USP42: variants seen among roughly 807,000 people sequenced by gnomAD.
USP42 encodes ubiquitin specific peptidase 42, also known as ubiquitin carboxyl-terminal hydrolase 42.
In USP42, 23 loss-of-function variants were observed where a neutral mutation model predicts 113.0. The observed-to-expected ratio is 0.20, with a 90% CI of 0.15 to 0.29. The LOEUF is 0.29. USP42 is among the 10% of genes least tolerant of loss of function. USP42 has a pLI of 1.00. For synonymous variants in USP42, 933 were observed against 699.0 expected (o/e 1.33, Z -5.28); for missense variants, 2,174 against 1,779.8 (o/e 1.22, Z -3.99).
At chr7:6,102,831 A>T (rs1790168897), upstream of USP42, among the ~76,000 whole-genome samples, 1 of 151,082 alleles carries the variant, frequency 6.6e-6, no homozygotes, top group Admixed American at 6.6e-5. Flanking sequence ...GAATGCTCAG[A>T]GTGGGGGAGT....
chr7:6,123,435 G>A (rs559724358), intron 3 of USP42, among the ~76,000 whole-genome samples: 2 of 152,218 alleles, frequency 1.3e-5, no homozygotes, highest in South Asian at 2.1e-4. Context: ...AGGCCAAGGC[G>A]AGCAGATCAC....
At chr7:6,098,275 A>G in the USP42 span, among the ~76,000 whole-genome samples, 1 of 150,178 alleles carries the variant, frequency 6.7e-6, no homozygotes, top group African/African-American at 2.5e-5. Context: ...CATCCTTGAC[A>G]AAGTGTGAGA....
At chr7:6,113,037 G>A (rs560221285) in intron 2 of USP42, among the ~76,000 whole-genome samples, 1 of 151,458 alleles carries the variant, frequency 6.6e-6, no homozygotes, top group Admixed American at 6.6e-5. Flanking sequence ...CCGAGTAGCT[G>A]GGACTACAGG....
the USP42 span, chr7:6,084,551 C>T: frequency 6.6e-6 from 1 of 151,244 alleles, no homozygotes; most frequent in Admixed American, 6.6e-5. Context: ...CTGAGTTAGC[C>T]ACTAGGCACT....
At chr7:6,129,697 C>T (rs1780741129) in intron 3 of USP42, among the ~76,000 whole-genome samples, 1 of 151,756 alleles carries the variant, frequency 6.6e-6, no homozygotes, top group Non-Finnish European at 1.5e-5. Context: ...CCTGTCTCTA[C>T]TAAAAATACA....
At chr7:6,110,155 G>A (rs952424508) in intron 1 of USP42, among the ~76,000 whole-genome samples, 3 of 152,104 alleles carry the variant, frequency 2.0e-5, no homozygotes, top group African/African-American at 7.2e-5. Context: ...TTTCTACATA[G>A]GAGTGGCATG....
chr7:6,117,217 C>A (rs1779959996), intron 3 of USP42, among the ~76,000 whole-genome samples: 1 of 152,100 alleles, frequency 6.6e-6, no homozygotes, highest in South Asian at 2.1e-4. Context: ...ACCCTCCTGC[C>A]CGGCAACCAC....
At chr7:6,084,218 G>C in the USP42 span, among the ~76,000 whole-genome samples, 441 of 151,068 alleles carry the variant, frequency 2.9e-3, 29 homozygotes, top group African/African-American at 0.011. Flanking sequence ...GTAGAGACAG[G>C]GTTTCACCAT....
At chr7:6,121,356 A>T (rs1304517935) in intron 3 of USP42, among the ~76,000 whole-genome samples, 1 of 152,180 alleles carries the variant, frequency 6.6e-6, no homozygotes, top group Non-Finnish European at 1.5e-5. Context: ...GAGATGACTC[A>T]CACTTGGTCA....
chr7:6,097,911 T>C, the USP42 span, among the ~76,000 whole-genome samples: 1 of 125,542 alleles, frequency 8.0e-6, no homozygotes, highest in African/African-American at 3.0e-5. Flanking sequence ...TCTTTTCTTT[T>C]TTTTTTTTTT....
chr7:6,111,665 C>T (rs1441138718), intron 2 of USP42: 18 of 212,234 alleles, frequency 8.5e-5, no homozygotes, highest in East Asian at 2.3e-4. Context: ...TGCAGTGGCG[C>T]GATCTTGACT....
upstream of USP42, among the ~76,000 whole-genome samples, chr7:6,100,111 C>T (rs556273846): frequency 7.4e-5 from 11 of 149,386 alleles, no homozygotes; most frequent in South Asian, 2.1e-3. Flanking sequence ...CCTCAGCCTC[C>T]TAAAGTGCTG....
At position 6,154,264 on chromosome 7, in the gene USP42, C is replaced by G. The variant is rs1440647937; in HGVS notation, c.2710C>G (p.Leu904Val). ...CGCAGAGCGGCCGCCAGCTCCTGTG[C>G]TGGACATGGCCCCGGCCGGTCACCC... ...EAAERPPAPV[L>V]DMAPAGHPEG... Residue 904 changes from leucine (L) to valine (V), a missense_variant, in exon 15 of 18, where the codon CTG (leucine) becomes GTG (valine). Transcript: ENST00000306177. 2 of 1,602,938 alleles carry G rather than the reference C, an allele frequency of 1.2e-6. No individual in the cohort carries two copies. Among genetic ancestry groups the G allele is most frequent in the East Asian group, 2.3e-5 (1 of 44,422 alleles).
At chr7:6,138,123 G>A (rs966371106) in intron 4 of USP42, among the ~76,000 whole-genome samples, 3 of 152,184 alleles carry the variant, frequency 2.0e-5, no homozygotes, top group Non-Finnish European at 1.5e-5. Flanking sequence ...CACGTTTGTA[G>A]GTCTAAACTG....
chr7:6,159,311 CCTCACTGGGGAGTGGCCTCAGGCG>C lies in USP42; in HGVS notation c.3944-133_3944-110del, dbSNP rs2128529280. ...CTGAGCGCTGGGACATCCCTGCTCACCTCACTGGGGAGTGGCCTCAGGCGCTCACAGGGAACCGCAGTGACTCTG... is the reference window on the plus strand; with the variant it reads ...CTGAGCGCTGGGACATCCCTGCTCACCTCACAGGGAACCGCAGTGACTCTG... On this transcript the variant is annotated intron_variant, in intron 16 of 17. Transcript: ENST00000306177. This position sits in a 1 kb window ranked among gnomAD's most constrained non-coding sequence, Gnocchi z 4.1. 2 of 1,079,330 alleles carry C rather than the reference CCTCACTGGGGAGTGGCCTCAGGCG, an allele frequency of 1.9e-6. No homozygotes were observed. The highest frequency in any genetic ancestry group is 3.2e-5 in the African/African-American group (2 of 63,480). The allele number at this position is 1,079,330 out of a possible 1,614,324, so 66.9% of individuals were successfully genotyped here. A position where few individuals can be genotyped will look rare whatever the true frequency, so the allele number is the denominator to read the frequency against.
chr7:6,097,375 C>T, the USP42 span, among the ~76,000 whole-genome samples: 1 of 147,046 alleles, frequency 6.8e-6, no homozygotes. Context: ...AAAATTAGGT[C>T]CCTGTGGGTC....
intron 3 of USP42, among the ~76,000 whole-genome samples, chr7:6,118,742 C>G (rs1042046535): frequency 2.6e-5 from 4 of 152,040 alleles, no homozygotes; most frequent in Non-Finnish European, 4.4e-5. Flanking sequence ...GAAACATAAT[C>G]CTTTTGTCAC....
chr7:6,130,162 G>C (rs1769991343), intron 3 of USP42, among the ~76,000 whole-genome samples: 1 of 152,038 alleles, frequency 6.6e-6, no homozygotes, highest in Admixed American at 6.6e-5. Context: ...TGGATATTTT[G>C]GTGTTATCTT....
the USP42 span, among the ~76,000 whole-genome samples, chr7:6,099,926 G>A: frequency 1.3e-5 from 2 of 148,722 alleles, no homozygotes; most frequent in Non-Finnish European, 2.9e-5. Context: ...TCACACCACT[G>A]CAGTCCAGCC....
Sources: gnomAD v4.1 joint callset for allele counts (sites outside exome capture counted in the v4.1 genomes callset) on GRCh38, gnomAD v4.1.1 for gene constraint, Gnocchi (gnomAD v3.1) non-coding constraint, MANE v1.5 for transcripts, NCBI Gene and HGNC (gene_info 2026-07-23, HGNC 2026-07-21) for gene names.